Variants in TRPM3 observed in about 807,000 individuals in gnomAD.
The protein encoded by TRPM3 is transient receptor potential cation channel subfamily M member 3.
In TRPM3, 77 loss-of-function variants were observed where a neutral mutation model predicts 181.2. The observed-to-expected ratio is 0.42, with a 90% CI of 0.35 to 0.51. The LOEUF (loss-of-function observed/expected upper bound fraction) is 0.51. Ranked by LOEUF, TRPM3 falls within the 20% of genes least tolerant of loss-of-function variation. TRPM3 has a pLI of 0.01. For synonymous variants in TRPM3, 745 were observed against 796.4 expected (o/e 0.94, Z 1.09); for missense variants, 1,759 against 2,196.7 (o/e 0.80, Z 3.98).
chr9:70,862,795 G>A, intron 3 of TRPM3, 113 bp downstream of exon 3: 1 of 1,040,084 alleles, frequency 9.6e-7, no homozygotes, highest in Non-Finnish European at 1.5e-6. Context: ...TCATCAGACA[G>A]TGGCAGAGTG....
intron 1 of TRPM3, among the ~76,000 whole-genome samples, chr9:70,925,031 A>G (rs935576860): frequency 3.9e-5 from 6 of 152,308 alleles, no homozygotes; most frequent in South Asian, 2.1e-4. Flanking sequence ...CGTGAATTGC[A>G]TGAACATGGA....
rs963906136 is a variant in TRPM3 at position 71,103,419 on chromosome 9, T to C, written c.177+17759A>G. Among the ~76,000 whole-genome samples the C allele has an allele frequency of 2.8e-4, 43 of 152,264 alleles. 1 individual carries two copies. The highest frequency in any genetic ancestry group is 1.0e-3 in the African/African-American group (42 of 41,564). ...CCTGCTGAGGTCAAAATATGATCAT[T>C]TGAAAACTCTACCAAGTAAGGTCTG... On this transcript the variant is annotated intron_variant, in intron 1 of 25. Coordinates refer to ENST00000677713, the MANE Select transcript of TRPM3 (RefSeq NM_001366145.2).
intron 1 of TRPM3, among the ~76,000 whole-genome samples, chr9:71,045,304 C>T (rs892961092): frequency 6.6e-6 from 1 of 152,044 alleles, no homozygotes; most frequent in Admixed American, 6.6e-5. Flanking sequence ...TCCATGTCAC[C>T]TTCTTAGGTT....
At chr9:71,444,052 G>A (rs527515016) in intron 1 of TRPM3, among the ~76,000 whole-genome samples, 2 of 151,860 alleles carry the variant, frequency 1.3e-5, no homozygotes, top group Non-Finnish European at 2.9e-5. Context: ...GGTGGTGCGT[G>A]CCTATAATCC....
chr9:70,808,540 ATTAC>A (rs2091204335), intron 6 of TRPM3, among the ~76,000 whole-genome samples: 1 of 152,210 alleles, frequency 6.6e-6, no homozygotes, highest in African/African-American at 2.4e-5. Flanking sequence ...TGGCTTCATT[ATTAC>A]CTTTATTGAC....
intron 1 of TRPM3, among the ~76,000 whole-genome samples, chr9:70,930,737 A>C (rs533691683): frequency 3.3e-5 from 5 of 152,306 alleles, no homozygotes; most frequent in Non-Finnish European, 5.9e-5. Flanking sequence ...AATTATCCTC[A>C]ATATCAAAAG....
intron 1 of TRPM3, among the ~76,000 whole-genome samples, chr9:70,999,730 G>C (rs1172545406): frequency 6.6e-6 from 1 of 152,132 alleles, no homozygotes; most frequent in African/African-American, 2.4e-5. Flanking sequence ...TTGATCCAAG[G>C]TTATTTTTAT....
chr9:70,786,785 C>A (rs2083745822), intron 6 of TRPM3, among the ~76,000 whole-genome samples: 1 of 152,124 alleles, frequency 6.6e-6, no homozygotes, highest in Non-Finnish European at 1.5e-5. Context: ...AGGAACAATA[C>A]CCTATACCTG....
chr9:70,768,910 A>G (rs920888171), intron 7 of TRPM3, among the ~76,000 whole-genome samples: 6 of 152,212 alleles, frequency 3.9e-5, no homozygotes, highest in African/African-American at 9.6e-5. Flanking sequence ...TATTTTGGAA[A>G]AAGAGATCAT....
At chr9:70,684,143 G>T (rs2134288749) in intron 8 of TRPM3, among the ~76,000 whole-genome samples, 1 of 152,312 alleles carries the variant, frequency 6.6e-6, no homozygotes, top group East Asian at 1.9e-4. Flanking sequence ...GCAGCAAATA[G>T]ATAAGATTAA....
intron 1 of TRPM3, among the ~76,000 whole-genome samples, chr9:71,286,048 A>G (rs1383471472): frequency 2.0e-5 from 3 of 152,210 alleles, no homozygotes; most frequent in Non-Finnish European, 4.4e-5. Context: ...AAAGTGATTC[A>G]TTTCTGAAAA....
At chr9:71,044,021 C>T (rs1486512272) in intron 1 of TRPM3, among the ~76,000 whole-genome samples, 1 of 151,992 alleles carries the variant, frequency 6.6e-6, no homozygotes, top group Non-Finnish European at 1.5e-5. Context: ...TCACAATATT[C>T]CATTATCTTT....
At chr9:70,883,123 C>T (rs2096023360) in intron 1 of TRPM3, among the ~76,000 whole-genome samples, 1 of 152,142 alleles carries the variant, frequency 6.6e-6, no homozygotes. Context: ...CTAGAGATCT[C>T]CATCAGTACC....
intron 5 of TRPM3, among the ~76,000 whole-genome samples, chr9:70,840,055 A>T (rs893046651): frequency 2.0e-5 from 3 of 152,144 alleles, no homozygotes; most frequent in African/African-American, 7.2e-5. Flanking sequence ...TTTTATTCAA[A>T]CACCTCTTTT....
chr9:71,398,685 G>C (rs936602102), intron 1 of TRPM3, among the ~76,000 whole-genome samples: 3 of 152,146 alleles, frequency 2.0e-5, no homozygotes, highest in Non-Finnish European at 4.4e-5. Context: ...TACAGCTTCT[G>C]GAACTGTGAG....
intron 1 of TRPM3, among the ~76,000 whole-genome samples, chr9:71,198,223 T>G (rs1479711916): frequency 6.6e-6 from 1 of 152,160 alleles, no homozygotes; most frequent in African/African-American, 2.4e-5. Context: ...TCTGTTCCAT[T>G]GATCAATATA....
chr9:71,282,812 G>C (rs1243994626), intron 1 of TRPM3, among the ~76,000 whole-genome samples: 1 of 152,128 alleles, frequency 6.6e-6, no homozygotes, highest in African/African-American at 2.4e-5. Context: ...GATGTGACTA[G>C]ATATCTTTAA....
chr9:71,371,360 C>T (rs548874189), intron 1 of TRPM3, among the ~76,000 whole-genome samples: 1 of 152,240 alleles, frequency 6.6e-6, no homozygotes, highest in East Asian at 1.9e-4. Flanking sequence ...TAAGAACATT[C>T]ACAATTAATG....
chr9:70,822,552 T>C (rs1022531180), intron 6 of TRPM3, among the ~76,000 whole-genome samples: 12 of 151,680 alleles, frequency 7.9e-5, no homozygotes, highest in African/African-American at 2.9e-4. Flanking sequence ...GAGGGGGTAA[T>C]GTGTAATGGG....
Sources: gnomAD v4.1 joint callset for allele counts (sites outside exome capture counted in the v4.1 genomes callset) on GRCh38, gnomAD v4.1.1 for gene constraint, MANE v1.5 for transcripts, NCBI Gene and HGNC (gene_info 2026-07-23, HGNC 2026-07-21) for gene names.